Variants in PLCD1 observed in about 807,000 individuals in gnomAD.
The protein encoded by PLCD1 is phospholipase C delta 1.
Under a neutral mutation model 87.4 loss-of-function variants are expected in PLCD1, and 71 were observed. That is an observed-to-expected ratio of 0.81 (90% CI 0.67 to 0.99). The LOEUF is 0.99. PLCD1 is among the 50% of genes least tolerant of loss of function. The pLI, the probability that PLCD1 is intolerant of heterozygous loss-of-function variation, is 0.00. For missense variants in PLCD1, 867 were observed against 1,001.5 expected (o/e 0.87, Z 1.81); for synonymous variants, 348 against 399.2 (o/e 0.87, Z 1.53).
Position 38,010,654 on chromosome 3 carries a change from C to T in PLCD1, c.791-92G>A, listed in dbSNP as rs374478898. The T allele has an allele frequency of 7.2e-5, 72 of 1,005,502 alleles. 1 individual carries two copies. In the Middle Eastern group the frequency reaches 6.4e-3, roughly 90 times the overall value. 62.3% of individuals were successfully genotyped at this position (1,005,502 alleles called of 1,614,324 possible). ...TCTGGACAGAGGAGCCCTCTGAACC[C>T]GCTTGCCTGCCTGTCCTGAGCCAGT... On this transcript the variant is annotated intron_variant, in intron 5 of 14. Transcript: ENST00000334661.
chr3:38,021,342 C>T (rs73825467), intron 1 of PLCD1, among the ~76,000 whole-genome samples: 1,971 of 152,248 alleles, frequency 0.013, 17 homozygotes, highest in African/African-American at 0.032. Context: ...CATCCCTTTC[C>T]GAAGCTGAGC....
intron 1 of PLCD1, among the ~76,000 whole-genome samples, chr3:38,023,079 T>C (rs1700258180): frequency 1.3e-5 from 2 of 152,076 alleles, no homozygotes; most frequent in South Asian, 4.2e-4. Context: ...GAGGTGGCCA[T>C]GTGGTGGGGC....
chr3:38,026,379 C>T (rs1271916372), intron 1 of PLCD1, among the ~76,000 whole-genome samples: 17 of 152,036 alleles, frequency 1.1e-4, no homozygotes, highest in African/African-American at 3.9e-4. Flanking sequence ...ATTAGCCGGG[C>T]GTGGCGGCCG....
In PLCD1 at chr3:38,011,344, C is replaced by T. The variant is rs756251636; in HGVS notation, c.660G>A (p.Glu220=). 7 of 1,612,688 alleles carry T rather than the reference C, an allele frequency of 4.3e-6. No individual in the cohort carries two copies. The highest frequency in any genetic ancestry group is 1.7e-5 in the Admixed American group (1 of 60,034). ...ACAGAGTCTCCCCTGAGCCCGCGGC[C>T]TCGGCGAAGGTGCGGTCGATCTCCA... The part of the protein sequence containing the change: ...QRVEIDRTFA[E]AAGSGETLSV... The change falls in exon 5 of 15, where the codon GAG becomes GAA. Residue 220 remains glutamate (E), a synonymous_variant. Transcript: ENST00000334661.
In PLCD1 at chr3:38,007,752, A is replaced by C; in HGVS notation, c.*21T>G. 6.3e-7 allele frequency: 1 copy of C among 1,583,240 alleles called. No individual in the cohort carries two copies. Among genetic ancestry groups the C allele is most frequent in the Non-Finnish European group, 8.7e-7 (1 of 1,152,104 alleles). On this transcript the variant is annotated 3_prime_UTR_variant, in exon 15 of 15. Coordinates refer to ENST00000334661, the MANE Select transcript of PLCD1 (RefSeq NM_006225.4). ...AGAGGGCCCAGCCCACTCAGGGGGG[A>C]CCCCACTGGCTTCCTCCAGCCTAGT...
Position 38,016,490 on chromosome 3 carries a change from C to G in PLCD1, c.428+1G>C. ...TGGACCCACTGCCACCAAAAGGATA[C>G]TGCTGTAGCTTCTGACGCTGGTCCA... On this transcript the variant is annotated splice_donor_variant, in intron 3 of 14. Coordinates refer to ENST00000334661, the MANE Select transcript of PLCD1 (RefSeq NM_006225.4). LOFTEE classifies it high-confidence loss of function. 3 of 1,606,492 alleles carry G rather than the reference C, an allele frequency of 1.9e-6. No individual in the cohort carries two copies. Among genetic ancestry groups the G allele is most frequent in the Admixed American group, 3.3e-5 (2 of 59,948 alleles).
In PLCD1 at chr3:38,007,658, C is replaced by A. The variant is rs1326596938; in HGVS notation, c.*115G>T. On this transcript the variant is annotated 3_prime_UTR_variant, in exon 15 of 15. Transcript: ENST00000334661. Reference sequence around the variant, plus strand: ...GCAGACACTATGTTAGGGCTGAAGGCAATTTGGGGGCCTAGCTCTGAGCAA... The same window carrying A: ...GCAGACACTATGTTAGGGCTGAAGGAAATTTGGGGGCCTAGCTCTGAGCAA... 1 of 808,430 alleles carries A rather than the reference C, an allele frequency of 1.2e-6. No individual in the cohort carries two copies. Among genetic ancestry groups the A allele is most frequent in the Non-Finnish European group, 2.1e-6 (1 of 468,806 alleles). 50.1% of individuals were successfully genotyped at this position (808,430 alleles called of 1,614,324 possible). A position where few individuals can be genotyped will look rare whatever the true frequency, so the allele number is the denominator to read the frequency against.
chr3:38,010,046 G>T lies in PLCD1; in HGVS notation c.1145C>A (p.Pro382His). ...CTCCAGGGATAGGATGACAGGGTAG[G>T]GGGACGCCTGGAGGCCCAAGGGCAC... Reference protein sequence around the residue: ...AIRDYAFKASPYPVILSLENH... With the variant: ...AIRDYAFKASHYPVILSLENH... Residue 382 changes from proline (P) to histidine (H), a missense_variant, in exon 8 of 15, where the codon CCC (proline) becomes CAC (histidine). By Grantham distance (77) the Pro-to-His change is moderately conservative. Coordinates refer to ENST00000334661, the MANE Select transcript of PLCD1 (RefSeq NM_006225.4). 1 of 1,614,182 alleles carries T rather than the reference G, an allele frequency of 6.2e-7. No homozygotes were observed. The highest frequency in any genetic ancestry group is 8.5e-7 in the Non-Finnish European group (1 of 1,180,012).
intron 1 of PLCD1, among the ~76,000 whole-genome samples, chr3:38,026,938 C>G (rs2212040): frequency 4.6e-5 from 7 of 151,976 alleles, no homozygotes; most frequent in African/African-American, 1.7e-4. Flanking sequence ...TTTTTACAAA[C>G]GGCACCTCTT....
At position 38,009,081 on chromosome 3, in the gene PLCD1, A is replaced by G. The variant is rs542780003; in HGVS notation, c.1684T>C (p.Tyr562His). The G allele has an allele frequency of 1.2e-6, 2 of 1,613,790 alleles. No individual in the cohort carries two copies. The highest frequency in any genetic ancestry group is 2.2e-5 in the South Asian group (2 of 91,068). ...CCATTCCACATCTCCACGGGGCTGTAGTTGGAGGAGTCTGTTCTCCATCCA... is the reference window on the plus strand; with the variant it reads ...CCATTCCACATCTCCACGGGGCTGTGGTTGGAGGAGTCTGTTCTCCATCCA... ...PAGWRTDSSN[Y>H]SPVEMWNGGC... The change falls in exon 11 of 15, where the codon TAC becomes CAC. Residue 562 changes from tyrosine (Y) to histidine (H), a missense_variant. Tyr to His is a moderately conservative substitution (Grantham distance 83, BLOSUM62 2). Transcript: ENST00000334661.
chr3:38,009,761 CAGGAGCCCCCCGAGCT>C lies in PLCD1; in HGVS notation c.1322_1337del (p.Lys441SerfsTer28). On this transcript the variant is annotated frameshift_variant, in exon 9 of 15. Coordinates refer to ENST00000334661, the MANE Select transcript of PLCD1 (RefSeq NM_006225.4). LOFTEE classifies it high-confidence loss of function. Reference sequence around the variant, plus strand: ...CAGGGCCACCCTCCCCTCCAGGGGGCAGGAGCCCCCCGAGCTTCTTCCCCTTCAGCAGGATCTTCCC... The same window carrying C: ...CAGGGCCACCCTCCCCTCCAGGGGGCTCTTCCCCTTCAGCAGGATCTTCCC... 6.2e-7 allele frequency: 1 copy of C among 1,614,028 alleles called. No homozygotes were observed. The highest frequency in any genetic ancestry group is 8.5e-7 in the Non-Finnish European group (1 of 1,179,956).
At position 38,010,086 on chromosome 3, in the gene PLCD1, G is replaced by A. The variant is rs768011329; in HGVS notation, c.1138-33C>T. On this transcript the variant is annotated intron_variant, in intron 7 of 14. Coordinates refer to ENST00000334661, the MANE Select transcript of PLCD1 (RefSeq NM_006225.4). ...CCCAAGGGCACATTAGGAGTGGTGG[G>A]CCACCCCTAGCATCCCACTCCTCAC... 3.1e-6 allele frequency: 5 copies of A among 1,613,984 alleles called. No homozygotes were observed. The East Asian group carries it at 6.7e-5, about 22-fold the overall frequency.
At chr3:38,024,808 G>GA in intron 1 of PLCD1, 1 of 1,149,434 alleles carries the variant, frequency 8.7e-7, no homozygotes, top group Non-Finnish European at 1.1e-6. Flanking sequence ...AAGGAGGGCA[G>GA]AGTCAGACCC....
intron 14 of PLCD1, 55 bp from the exon 15 acceptor site, chr3:38,007,913 CGGA>C: frequency 6.2e-7 from 1 of 1,605,176 alleles, no homozygotes; most frequent in South Asian, 1.1e-5. Flanking sequence ...CATTCGGCGG[CGGA>C]GGGGGGGTGG....
chr3:38,022,606 G>T (rs961356328), intron 1 of PLCD1, among the ~76,000 whole-genome samples: 1 of 152,150 alleles, frequency 6.6e-6, no homozygotes, highest in African/African-American at 2.4e-5. Context: ...GCCAGGCTGT[G>T]GCCCTATCTA....
rs754143331 is a variant in PLCD1 at position 38,010,118 on chromosome 3, G to A, written c.1137+13C>T. The A allele has an allele frequency of 5.0e-6, 8 of 1,614,248 alleles. No homozygotes were observed. The South Asian group carries it at 7.7e-5, about 16-fold the overall frequency. On this transcript the variant is annotated intron_variant, in intron 7 of 14. Coordinates refer to ENST00000334661, the MANE Select transcript of PLCD1 (RefSeq NM_006225.4). ...CTAGCATCCCACTCCTCACCTGCCA[G>A]GGGCACTCCCACCTTGAAGGCATAG...
rs1050538206 is a variant in PLCD1, at chr3:38,017,493, G to A, written c.200-774C>T. Reference sequence around the variant, plus strand: ...AGATTACATCATTCTGCCCTTAGGGGAGCCAAGGGGAGGGCCCTCCCCTCA... The same window carrying A: ...AGATTACATCATTCTGCCCTTAGGGAAGCCAAGGGGAGGGCCCTCCCCTCA... On this transcript the variant is annotated intron_variant, in intron 2 of 14. Transcript: ENST00000334661. This position sits in a 1 kb window ranked among gnomAD's most constrained non-coding sequence, Gnocchi z 4.7. 6.6e-6 allele frequency among the ~76,000 whole-genome samples: 1 copy of A among 152,144 alleles called. No homozygotes were observed. Among genetic ancestry groups the A allele is most frequent in the African/African-American group, 2.4e-5 (1 of 41,442 alleles).
At position 38,021,238 on chromosome 3, in the gene PLCD1, T is replaced by A. The variant is rs552943894; in HGVS notation, c.35-886A>T. ...AGTGCACTGTAGCCTGTGTTTGGTC[T>A]GCTGGGATGGCCCTGTCCTTCGCTG... is the stretch of plus-strand genomic sequence containing the variant. On this transcript the variant is annotated intron_variant, in intron 1 of 14. Transcript: ENST00000334661. Among the ~76,000 whole-genome samples, 5 of 152,358 alleles carry A rather than the reference T, an allele frequency of 3.3e-5. No homozygotes were observed. In the East Asian group the frequency reaches 9.7e-4, roughly 29 times the overall value.
At chr3:38,015,403 A>G (rs1227924198) in intron 3 of PLCD1, among the ~76,000 whole-genome samples, 1 of 152,156 alleles carries the variant, frequency 6.6e-6, no homozygotes, top group Non-Finnish European at 1.5e-5. Flanking sequence ...CAGAAAGTAG[A>G]TTAGTGGCTG....
Sources: gnomAD v4.1 joint callset for allele counts (sites outside exome capture counted in the v4.1 genomes callset) on GRCh38, gnomAD v4.1.1 for gene constraint, Gnocchi (gnomAD v3.1) non-coding constraint, MANE v1.5 for transcripts, NCBI Gene and HGNC (gene_info 2026-07-23, HGNC 2026-07-21) for gene names.